The following TNR variants were observed in gnomAD, a reference collection of about 807,000 sequenced individuals.
TNR encodes the protein tenascin R, also known as tenascin-R.
Under a neutral mutation model 150.4 loss-of-function variants are expected in TNR, and 45 were observed. The observed-to-expected ratio is 0.30, with a 90% CI of 0.24 to 0.38. TNR has a LOEUF of 0.38. Among genes scored for constraint, TNR ranks in the 10% least tolerant of loss-of-function variants. The pLI is 1.00. For missense variants in TNR, 1,544 were observed against 1,759.1 expected (o/e 0.88, Z 2.19); for synonymous variants, 687 against 678.4 (o/e 1.01, Z -0.20).
At chr1:175,360,173 G>A (rs2102009615) in intron 14 of TNR, among the ~76,000 whole-genome samples, 1 of 152,286 alleles carries the variant, frequency 6.6e-6, no homozygotes, top group East Asian at 1.9e-4. Context: ...TGTGCCTCAT[G>A]GAAAGATCTC....
At chr1:175,422,833 T>C (rs1382765621) in intron 2 of TNR, among the ~76,000 whole-genome samples, 2 of 152,218 alleles carry the variant, frequency 1.3e-5, no homozygotes, top group Non-Finnish European at 2.9e-5. Flanking sequence ...CTCTCATAGG[T>C]GCACCTGCTT....
In TNR at chr1:175,402,179, C is replaced by T. The variant is rs528686847; in HGVS notation, c.976+961G>A. Among the ~76,000 whole-genome samples the T allele has an allele frequency of 9.9e-4, 150 of 151,234 alleles. 3 individuals are homozygous for T. Among genetic ancestry groups the T allele is most frequent in the Middle Eastern group, 3.4e-3 (1 of 292 alleles). ...AAAATTAGCCGGGCGCGGTGGTGGG[C>T]GCCTGTAGTCCCAGCTACTCGGGAG... On this transcript the variant is annotated intron_variant, in intron 4 of 22. Coordinates refer to ENST00000367674, the MANE Select transcript of TNR (RefSeq NM_003285.3).
chr1:175,601,954 A>G (rs1225590666), intron 1 of TNR, among the ~76,000 whole-genome samples: 1 of 152,156 alleles, frequency 6.6e-6, no homozygotes, highest in Non-Finnish European at 1.5e-5. Context: ...GTATCTTCAG[A>G]GGACACACTT....
At chr1:175,450,065 G>A (rs873525) in intron 2 of TNR, among the ~76,000 whole-genome samples, 20,042 of 151,942 alleles carry the variant, frequency 0.13, 2,869 homozygotes, top group African/African-American at 0.36. Flanking sequence ...CTGGCTTTAG[G>A]TCCTGGGCCT....
chr1:175,663,953 AG>A (rs1665457353), intron 1 of TNR, among the ~76,000 whole-genome samples: 1 of 152,228 alleles, frequency 6.6e-6, no homozygotes. Flanking sequence ...TCCAGAATAA[AG>A]AGCTCACCAG....
intron 1 of TNR, among the ~76,000 whole-genome samples, chr1:175,574,087 G>C (rs1046014624): frequency 6.6e-6 from 1 of 152,138 alleles, no homozygotes; most frequent in Non-Finnish European, 1.5e-5. Context: ...TGGGCGTGGA[G>C]AGAAGACCTG....
intron 1 of TNR, among the ~76,000 whole-genome samples, chr1:175,725,061 G>A (rs1003227487): frequency 1.3e-5 from 2 of 152,188 alleles, no homozygotes; most frequent in African/African-American, 4.8e-5. Context: ...TAAGATCAAT[G>A]GGAAGTGCTT....
At chr1:175,433,252 C>T (rs1254447653) in intron 2 of TNR, among the ~76,000 whole-genome samples, 1 of 152,210 alleles carries the variant, frequency 6.6e-6, no homozygotes, top group African/African-American at 2.4e-5. Flanking sequence ...TTGATACCTC[C>T]AGTCTCTGTG....
At chr1:175,715,624 T>C (rs1667135389) in intron 1 of TNR, among the ~76,000 whole-genome samples, 2 of 152,192 alleles carry the variant, frequency 1.3e-5, no homozygotes, top group African/African-American at 2.4e-5. Flanking sequence ...AGGAGCTAAG[T>C]TGGTACCATG....
intron 1 of TNR, among the ~76,000 whole-genome samples, chr1:175,627,316 CTGATCCT>C (rs1664184809): frequency 6.6e-6 from 1 of 152,202 alleles, no homozygotes; most frequent in Admixed American, 6.5e-5. Flanking sequence ...ATGAAAAACT[CTGATCCT>C]TAGATCAGAG....
At chr1:175,451,284 A>G (rs1028439684) in intron 2 of TNR, among the ~76,000 whole-genome samples, 2 of 149,984 alleles carry the variant, frequency 1.3e-5, no homozygotes, top group Non-Finnish European at 3.0e-5. Context: ...GGTTTGTTAT[A>G]TATGTATACA....
intron 1 of TNR, among the ~76,000 whole-genome samples, chr1:175,567,553 A>C (rs1454938909): frequency 6.6e-6 from 1 of 152,174 alleles, no homozygotes; most frequent in Non-Finnish European, 1.5e-5. Context: ...CGGGTCTAAC[A>C]TGGCCATGGG....
chr1:175,622,707 A>T (rs934641987), intron 1 of TNR, among the ~76,000 whole-genome samples: 2 of 152,250 alleles, frequency 1.3e-5, no homozygotes, highest in Non-Finnish European at 2.9e-5. Context: ...TCTTAAAACA[A>T]CAGAAATTTG....
intron 1 of TNR, among the ~76,000 whole-genome samples, chr1:175,591,228 C>T (rs531162573): frequency 1.6e-4 from 24 of 152,304 alleles, no homozygotes; most frequent in African/African-American, 5.3e-4. Context: ...GGAGGAAGAG[C>T]CCTCAACAGC....
intron 1 of TNR, among the ~76,000 whole-genome samples, chr1:175,692,840 T>A (rs1238622548): frequency 6.6e-6 from 1 of 152,168 alleles, no homozygotes; most frequent in African/African-American, 2.4e-5. Flanking sequence ...TTACACATTG[T>A]TATGTGAACT....
At chr1:175,682,148 A>C (rs1459892424) in intron 1 of TNR, among the ~76,000 whole-genome samples, 1 of 152,232 alleles carries the variant, frequency 6.6e-6, no homozygotes, top group Non-Finnish European at 1.5e-5. Flanking sequence ...AACCAGGCTC[A>C]TGGTGTTGGA....
At chr1:175,335,523 C>A (rs1433826094) in intron 20 of TNR, 188 bp downstream of exon 20, 23 of 553,708 alleles carry the variant, frequency 4.2e-5, no homozygotes, top group Non-Finnish European at 6.4e-5. Flanking sequence ...AAGAGGGAAA[C>A]ACCACAGTAA....
intron 1 of TNR, among the ~76,000 whole-genome samples, chr1:175,657,859 A>G (rs912436766): frequency 1.8e-5 from 2 of 110,562 alleles, no homozygotes; most frequent in Admixed American, 9.0e-5. Flanking sequence ...ACATGTATAT[A>G]TATATATATA....
intron 1 of TNR, among the ~76,000 whole-genome samples, chr1:175,688,513 A>C (rs1476337126): frequency 6.6e-6 from 1 of 152,252 alleles, no homozygotes; most frequent in African/African-American, 2.4e-5. Context: ...AGTCTGTTGC[A>C]GACCCCAAAT....
Sources: gnomAD v4.1 joint callset for allele counts (sites outside exome capture counted in the v4.1 genomes callset) on GRCh38, gnomAD v4.1.1 for gene constraint, MANE v1.5 for transcripts, NCBI Gene and HGNC (gene_info 2026-07-23, HGNC 2026-07-21) for gene names.